The following NOL4 variants were observed in gnomAD, a reference collection of about 807,000 sequenced individuals.
NOL4 encodes the protein cancer/testis antigen 125.
NOL4 carries 17 observed loss-of-function variants against 75.9 expected under a neutral mutation model. That is an observed-to-expected ratio of 0.22 (90% CI 0.15 to 0.34). NOL4 has a LOEUF of 0.34. Among genes scored for constraint, NOL4 ranks in the 10% least tolerant of loss-of-function variants. The probability of loss-of-function intolerance (pLI) is 1.00; values close to 1 mark genes in which losing one functional copy is unlikely to be tolerated. For synonymous variants in NOL4, 292 were observed against 289.9 expected, an observed-to-expected ratio of 1.01 and a Z score of -0.07; for missense variants, 614 against 793.5, an observed-to-expected ratio of 0.77 and a Z score of 2.72.
At chr18:34,206,617 G>C (rs867682723) in intron 1 of NOL4, among the ~76,000 whole-genome samples, 12 of 152,110 alleles carry the variant, frequency 7.9e-5, no homozygotes, top group East Asian at 7.7e-4. Flanking sequence ...ATTACTGTTT[G>C]CCTACAAATA....
intron 1 of NOL4, among the ~76,000 whole-genome samples, chr18:34,146,259 T>C (rs953977533): frequency 1.3e-5 from 2 of 151,898 alleles, no homozygotes; most frequent in Admixed American, 1.3e-4. Flanking sequence ...ATTAAACAGT[T>C]TATATAGTAG....
At chr18:33,883,523 A>G (rs1053762647) in intron 9 of NOL4, 99 bp from the exon 10 acceptor site, 2 of 831,070 alleles carry the variant, frequency 2.4e-6, no homozygotes, top group Non-Finnish European at 3.4e-6. Flanking sequence ...GCATTGAATA[A>G]GAAAAAATAT....
intron 9 of NOL4, among the ~76,000 whole-genome samples, chr18:33,941,840 T>C (rs1258595107): frequency 1.3e-5 from 2 of 151,866 alleles, no homozygotes; most frequent in African/African-American, 4.8e-5. Context: ...ATACATAGTG[T>C]TATAACTCAT....
intron 5 of NOL4, among the ~76,000 whole-genome samples, chr18:34,037,900 T>C (rs1036808155): frequency 9.3e-5 from 14 of 151,336 alleles, no homozygotes; most frequent in African/African-American, 2.9e-4. Context: ...AATAAGATTA[T>C]ACTAAACTAA....
At chr18:34,076,790 C>T (rs1164229644) in intron 5 of NOL4, among the ~76,000 whole-genome samples, 1 of 152,158 alleles carries the variant, frequency 6.6e-6, no homozygotes, top group African/African-American at 2.4e-5. Context: ...ACCCTTAATA[C>T]TTCCAGAATT....
chr18:33,917,958 C>T (rs1246632958), intron 9 of NOL4, among the ~76,000 whole-genome samples: 1 of 152,102 alleles, frequency 6.6e-6, no homozygotes, highest in African/African-American at 2.4e-5. Flanking sequence ...ACACTTAATC[C>T]CAGGCATTCT....
chr18:34,105,598 T>C (rs1423767346), intron 2 of NOL4, among the ~76,000 whole-genome samples: 1 of 152,022 alleles, frequency 6.6e-6, no homozygotes. Context: ...TTTTGCACAA[T>C]GAACATTTCT....
intron 10 of NOL4, among the ~76,000 whole-genome samples, chr18:33,876,665 A>T (rs547626346): frequency 1.3e-5 from 2 of 152,254 alleles, no homozygotes; most frequent in South Asian, 4.1e-4. Flanking sequence ...AATGATAGAT[A>T]TGATAATGCC....
intron 3 of NOL4, among the ~76,000 whole-genome samples, chr18:34,104,449 T>C (rs556227443): frequency 1.3e-5 from 2 of 152,046 alleles, no homozygotes; most frequent in Non-Finnish European, 2.9e-5. Flanking sequence ...TTTGTATTTT[T>C]CTTCTTTGCT....
chr18:34,164,358 T>C (rs1042884766), intron 1 of NOL4, among the ~76,000 whole-genome samples: 5 of 152,010 alleles, frequency 3.3e-5, no homozygotes, highest in African/African-American at 1.2e-4. Context: ...AAAGGGCTAA[T>C]ATCCAGAATC....
intron 1 of NOL4, among the ~76,000 whole-genome samples, chr18:34,151,867 A>C (rs2081654623): frequency 6.6e-6 from 1 of 151,732 alleles, no homozygotes. Context: ...ATTTAAAATG[A>C]GAGGGGGAAA....
intron 9 of NOL4, among the ~76,000 whole-genome samples, chr18:33,891,668 G>A (rs1426515661): frequency 6.6e-6 from 1 of 152,152 alleles, no homozygotes; most frequent in African/African-American, 2.4e-5. Context: ...GCTTGCAGAA[G>A]AGTTTCTTAT....
intron 1 of NOL4, among the ~76,000 whole-genome samples, chr18:34,139,323 G>T (rs2081039769): frequency 6.6e-6 from 1 of 152,026 alleles, no homozygotes; most frequent in Non-Finnish European, 1.5e-5. Context: ...TTTTTTGGTT[G>T]GTAAGCTATT....
intron 1 of NOL4, among the ~76,000 whole-genome samples, chr18:34,157,517 G>A (rs1279124067): frequency 2.6e-5 from 4 of 151,864 alleles, no homozygotes; most frequent in Admixed American, 1.3e-4. Context: ...CTAGAGCTCA[G>A]AGAAAAGTTT....
Position 34,000,220 on chromosome 18 carries a change from A to G in NOL4, c.1056+19098T>C, listed in dbSNP as rs180868052. On this transcript the variant is annotated intron_variant, in intron 6 of 10. Coordinates refer to ENST00000261592, the MANE Select transcript of NOL4 (RefSeq NM_003787.5). ...ATGAGGAGTCTAATTTCTAAGAGAT[A>G]ATGTGGTCCGTACAGTCAACCTGCT... 8.5e-5 allele frequency among the ~76,000 whole-genome samples: 13 copies of G among 152,234 alleles called. No homozygotes were observed. The East Asian group carries it at 2.3e-3, about 27-fold the overall frequency.
intron 10 of NOL4, among the ~76,000 whole-genome samples, chr18:33,877,950 T>C (rs2064029697): frequency 6.6e-6 from 1 of 151,966 alleles, no homozygotes; most frequent in Admixed American, 6.6e-5. Flanking sequence ...AAAAAGGGTG[T>C]TCAATGAATG....
intron 5 of NOL4, among the ~76,000 whole-genome samples, chr18:34,076,371 C>T (rs1018342920): frequency 2.0e-5 from 3 of 152,144 alleles, no homozygotes; most frequent in African/African-American, 7.2e-5. Flanking sequence ...CACCAAATCC[C>T]TCACATTGGC....
intron 10 of NOL4, among the ~76,000 whole-genome samples, chr18:33,868,681 A>ACACC (rs937011949): frequency 2.6e-5 from 4 of 150,976 alleles, no homozygotes; most frequent in African/African-American, 9.8e-5. Context: ...ACACACACAC[A>ACACC]CACACACACA....
chr18:34,183,768 G>C (rs997072124), intron 1 of NOL4: 11 of 151,756 alleles, frequency 7.2e-5, no homozygotes, highest in African/African-American at 2.4e-4. Flanking sequence ...TTCTGGAAAA[G>C]GCAAAATAGA....
Sources: gnomAD v4.1 joint callset for allele counts (sites outside exome capture counted in the v4.1 genomes callset) on GRCh38, gnomAD v4.1.1 for gene constraint, MANE v1.5 for transcripts, NCBI Gene and HGNC (gene_info 2026-07-23, HGNC 2026-07-21) for gene names.